Variants in ROR2 observed in about 807,000 individuals in gnomAD.
ROR2 encodes ROR family WNT receptor 2.
In ROR2, 33 loss-of-function variants were observed where a neutral mutation model predicts 74.9. The ratio of observed to expected loss-of-function variants is 0.44; its 90% CI spans 0.33 to 0.59. The LOEUF is 0.59. Ranked by LOEUF, ROR2 falls within the 20% of genes least tolerant of loss-of-function variation. ROR2 has a pLI of 0.02. For synonymous variants in ROR2, 586 were observed against 558.7 expected, an observed-to-expected ratio of 1.05 and a Z score of -0.69; for missense variants, 1,216 against 1,313.8, an observed-to-expected ratio of 0.93 and a Z score of 1.15.
chr9:91,789,460 G>A (rs1270742719), intron 1 of ROR2, among the ~76,000 whole-genome samples: 31 of 152,106 alleles, frequency 2.0e-4, no homozygotes, highest in Admixed American at 2.0e-3. Flanking sequence ...TCATTTACTT[G>A]TTTTAAAAGA....
intron 1 of ROR2, among the ~76,000 whole-genome samples, chr9:91,874,610 G>C (rs1156443467): frequency 6.6e-6 from 1 of 152,138 alleles, no homozygotes; most frequent in African/African-American, 2.4e-5. Flanking sequence ...GACTTCTAAA[G>C]AAACCAAAAC....
At chr9:91,861,135 C>A (rs907789351) in intron 1 of ROR2, among the ~76,000 whole-genome samples, 2 of 151,988 alleles carry the variant, frequency 1.3e-5, no homozygotes, top group Non-Finnish European at 2.9e-5. Flanking sequence ...GGAAAAATAT[C>A]CTGTGTTTAT....
chr9:91,846,136 G>A (rs1172189553), intron 1 of ROR2, among the ~76,000 whole-genome samples: 6 of 152,184 alleles, frequency 3.9e-5, no homozygotes, highest in Non-Finnish European at 8.8e-5. Flanking sequence ...CTCTCTGGAC[G>A]ACCTTGAGAA....
At chr9:91,831,615 A>G (rs1363678082) in intron 1 of ROR2, among the ~76,000 whole-genome samples, 1 of 152,090 alleles carries the variant, frequency 6.6e-6, no homozygotes, top group Admixed American at 6.5e-5. Context: ...ATCTCTACTA[A>G]AAATACAAAA....
intron 2 of ROR2, among the ~76,000 whole-genome samples, chr9:91,758,135 G>C (rs1220780754): frequency 1.3e-5 from 2 of 152,226 alleles, no homozygotes; most frequent in African/African-American, 4.8e-5. Context: ...GCAGAAACCA[G>C]GGAGCAGACC....
At position 91,905,393 on chromosome 9, in the gene ROR2, CAGAG is replaced by C. The variant is rs368562088; in HGVS notation, c.97+44470_97+44473del. 3.3e-5 allele frequency among the ~76,000 whole-genome samples: 5 copies of C among 150,990 alleles called. No homozygotes were observed. The highest frequency in any genetic ancestry group is 2.1e-4 in the South Asian group (1 of 4,772). On this transcript the variant is annotated intron_variant, in intron 1 of 8. Transcript: ENST00000375708. This position sits in a 1 kb window ranked among gnomAD's most constrained non-coding sequence, Gnocchi z 5.3. ...AGACACACAACACATACCACACACA[CAGAG>C]AGACAAAAACTATACAAATGTCACA... is the stretch of plus-strand genomic sequence containing the variant.
At position 91,737,377 on chromosome 9, in the gene ROR2, T is replaced by A; in HGVS notation, c.622+14A>T. On this transcript the variant is annotated intron_variant, in intron 5 of 8. Coordinates refer to ENST00000375708, the MANE Select transcript of ROR2 (RefSeq NM_004560.4). ...CATGCTTATCATCCTGGGAGAAAGG[T>A]CTGCAGCTCCTACCTGTGATTCGGT... 1 of 1,614,048 alleles carries A rather than the reference T, an allele frequency of 6.2e-7. No individual in the cohort carries two copies. The highest frequency in any genetic ancestry group is 8.5e-7 in the Non-Finnish European group (1 of 1,180,004).
At chr9:91,909,729 G>A (rs567216207) in intron 1 of ROR2, among the ~76,000 whole-genome samples, 30 of 150,462 alleles carry the variant, frequency 2.0e-4, no homozygotes, top group African/African-American at 7.3e-4. Context: ...ATCTTGGAAA[G>A]CTTTATGTCT....
chr9:91,766,795 G>A (rs1826071081), intron 2 of ROR2, among the ~76,000 whole-genome samples: 1 of 152,186 alleles, frequency 6.6e-6, no homozygotes, highest in Non-Finnish European at 1.5e-5. Flanking sequence ...CTGAGGTTTC[G>A]GCTCACTTGG....
At chr9:91,903,540 T>C (rs1473315144) in intron 1 of ROR2, among the ~76,000 whole-genome samples, 2 of 152,078 alleles carry the variant, frequency 1.3e-5, no homozygotes, top group Non-Finnish European at 2.9e-5. Context: ...CCATGGAGTA[T>C]TTTCAAGGCA....
chr9:91,730,856 C>T (rs1837213638), intron 7 of ROR2, 54 bp downstream of exon 7: 1 of 1,611,906 alleles, frequency 6.2e-7, no homozygotes, highest in African/African-American at 1.3e-5. Flanking sequence ...ACGCCCTCAT[C>T]ACAAGGTTCA....
At chr9:91,840,341 A>C (rs1203250918) in intron 1 of ROR2, among the ~76,000 whole-genome samples, 1 of 152,172 alleles carries the variant, frequency 6.6e-6, no homozygotes. Flanking sequence ...TCTGCAGTGC[A>C]CTGAAAACCC....
chr9:91,905,006 C>T lies in ROR2; in HGVS notation c.97+44861G>A, dbSNP rs1319288035. 6.6e-6 allele frequency among the ~76,000 whole-genome samples: 1 copy of T among 151,806 alleles called. No individual in the cohort carries two copies. The highest frequency in any genetic ancestry group is 2.4e-5 in the African/African-American group (1 of 41,292). On this transcript the variant is annotated intron_variant, in intron 1 of 8. Coordinates refer to ENST00000375708, the MANE Select transcript of ROR2 (RefSeq NM_004560.4). The surrounding 1 kb of genome is among the most constrained non-coding windows in gnomAD (Gnocchi z 5.3). ...CATACAATACACACAACACATACCA[C>T]ACAACATATACCACACACAAAAACG...
intron 1 of ROR2, among the ~76,000 whole-genome samples, chr9:91,859,597 C>T (rs1441026305): frequency 3.3e-5 from 5 of 151,964 alleles, no homozygotes; most frequent in Admixed American, 2.6e-4. Flanking sequence ...CAGAGGCAGG[C>T]GGATCACCAG....
rs185808139 is a variant in ROR2 at position 91,724,052 on chromosome 9, C to G, written c.2442G>C (p.Pro814=). The change falls in exon 9 of 9, where the codon CCG becomes CCC. Residue 814 remains proline, a synonymous_variant. Transcript: ENST00000375708. ...MKGQIRPMVP[P]PQLYVPVNGY... Reference sequence around the variant, plus strand: ...CGTTGACGGGGACGTAGAGCTGCGGCGGGGGCACCATGGGTCTGATCTGGC... The same window carrying G: ...CGTTGACGGGGACGTAGAGCTGCGGGGGGGGCACCATGGGTCTGATCTGGC... 2.5e-6 allele frequency: 4 copies of G among 1,610,812 alleles called. No individual in the cohort carries two copies. The African/African-American group carries it at 4.0e-5, about 16-fold the overall frequency.
chr9:91,890,276 C>CT (rs1288821231), intron 1 of ROR2, among the ~76,000 whole-genome samples: 4 of 152,212 alleles, frequency 2.6e-5, no homozygotes, highest in African/African-American at 9.6e-5. Context: ...CAGGGAGCCA[C>CT]TGTCGGCCTC....
At chr9:91,752,590 G>A (rs111404369) in intron 4 of ROR2, among the ~76,000 whole-genome samples, 1 of 152,322 alleles carries the variant, frequency 6.6e-6, no homozygotes, top group African/African-American at 2.4e-5. Context: ...GAGTTGACTA[G>A]GAAGTTGCAC....
intron 1 of ROR2, among the ~76,000 whole-genome samples, chr9:91,939,582 T>C (rs1457063686): frequency 1.3e-5 from 2 of 152,170 alleles, no homozygotes; most frequent in Non-Finnish European, 2.9e-5. Flanking sequence ...TTTTACATAC[T>C]CTGGATGTTG....
chr9:91,756,146 T>C (rs1427068020), intron 3 of ROR2, 45 bp from the exon 4 acceptor site: 1 of 1,597,026 alleles, frequency 6.3e-7, no homozygotes, highest in Admixed American at 1.7e-5. Flanking sequence ...ACTCCATGAT[T>C]TGGAATACAA....
Sources: gnomAD v4.1 joint callset for allele counts (sites outside exome capture counted in the v4.1 genomes callset) on GRCh38, gnomAD v4.1.1 for gene constraint, Gnocchi (gnomAD v3.1) non-coding constraint, MANE v1.5 for transcripts, NCBI Gene and HGNC (gene_info 2026-07-23, HGNC 2026-07-21) for gene names.